Variants in GALNT16 observed in about 807,000 individuals in gnomAD.
The protein encoded by GALNT16 is polypeptide N-acetylgalactosaminyltransferase 16.
Under a neutral mutation model 76.1 loss-of-function variants are expected in GALNT16, and 40 were observed. The observed-to-expected ratio is 0.53, with a 90% CI of 0.41 to 0.68. The LOEUF is 0.68. GALNT16 is among the 30% of genes least tolerant of loss of function. The probability of loss-of-function intolerance (pLI) is 0.00; values close to 1 mark genes in which losing one functional copy is unlikely to be tolerated. For missense variants in GALNT16, 621 were observed against 731.9 expected (o/e 0.85, Z 1.75); for synonymous variants, 276 against 285.2 (o/e 0.97, Z 0.32).
intron 1 of GALNT16, among the ~76,000 whole-genome samples, chr14:69,310,889 G>A (rs867192378): frequency 6.6e-5 from 10 of 152,176 alleles, no homozygotes; most frequent in South Asian, 2.1e-4. Context: ...CACTCCAGCC[G>A]GGGTGACAGA....
intron 9 of GALNT16, among the ~76,000 whole-genome samples, chr14:69,337,660 A>G (rs764408948): frequency 1.1e-4 from 16 of 152,336 alleles, no homozygotes; most frequent in Non-Finnish European, 2.1e-4. Flanking sequence ...GCCCATTGAT[A>G]TAGCCATCCT....
chr14:69,271,507 G>C (rs1244878254), intron 1 of GALNT16, among the ~76,000 whole-genome samples: 2 of 152,238 alleles, frequency 1.3e-5, no homozygotes, highest in African/African-American at 4.8e-5. Flanking sequence ...CTGATGGGAG[G>C]CTGGCATCTG....
intron 1 of GALNT16, among the ~76,000 whole-genome samples, chr14:69,293,685 T>C (rs1443306334): frequency 6.6e-6 from 1 of 152,150 alleles, no homozygotes; most frequent in Non-Finnish European, 1.5e-5. Flanking sequence ...CGTGCCCAGT[T>C]TTCTTATTTG....
At chr14:69,340,240 C>A (rs1446790548) in intron 11 of GALNT16, among the ~76,000 whole-genome samples, 1 of 152,116 alleles carries the variant, frequency 6.6e-6, no homozygotes, top group Non-Finnish European at 1.5e-5. Context: ...ACAGTTGCCC[C>A]TCTGCATCTG....
At position 69,333,213 on chromosome 14, in the gene GALNT16, G is replaced by A. The variant is rs959988355; in HGVS notation, c.863+44G>A. ...TCTGGGGGACCCCTTCCTTCCCTGGGTCAGGGGCCTGGGAGGCTCTTGGGA... is the reference window on the plus strand; with the variant it reads ...TCTGGGGGACCCCTTCCTTCCCTGGATCAGGGGCCTGGGAGGCTCTTGGGA... On this transcript the variant is annotated intron_variant, in intron 8 of 14. Transcript: ENST00000448469. The surrounding 1 kb of genome is among the most constrained non-coding windows in gnomAD (Gnocchi z 4.2). 2.2e-6 allele frequency: 3 copies of A among 1,349,626 alleles called. No individual in the cohort carries two copies. Among genetic ancestry groups the A allele is most frequent in the African/African-American group, 1.4e-5 (1 of 69,180 alleles). 83.6% of individuals were successfully genotyped at this position (1,349,626 alleles called of 1,614,324 possible).
chr14:69,326,516 C>T (rs2045287275), intron 5 of GALNT16, among the ~76,000 whole-genome samples: 1 of 152,166 alleles, frequency 6.6e-6, no homozygotes, highest in Non-Finnish European at 1.5e-5. Flanking sequence ...CCACTGCAGC[C>T]ACAGGCTGGC....
At chr14:69,328,899 C>T (rs2140175463) in intron 6 of GALNT16, among the ~76,000 whole-genome samples, 2 of 152,134 alleles carry the variant, frequency 1.3e-5, no homozygotes, top group Admixed American at 1.3e-4. Context: ...GCTGGGAAGC[C>T]CTTGCAAGAG....
At chr14:69,357,335 T>C (rs1242002583), downstream of GALNT16, 1 of 152,258 alleles carries the variant, frequency 6.6e-6, no homozygotes, top group Non-Finnish European at 1.5e-5. Flanking sequence ...TAAGGTCTGG[T>C]GAAGTCCACT....
chr14:69,280,853 G>T (rs769118845), intron 1 of GALNT16, among the ~76,000 whole-genome samples: 12 of 151,996 alleles, frequency 7.9e-5, no homozygotes, highest in Non-Finnish European at 1.8e-4. Flanking sequence ...CCCTGAGAGG[G>T]CCTGGCTCCA....
intron 1 of GALNT16, among the ~76,000 whole-genome samples, chr14:69,277,224 C>A (rs951923848): frequency 2.0e-5 from 3 of 152,192 alleles, no homozygotes; most frequent in African/African-American, 7.2e-5. Flanking sequence ...TATATTTTCT[C>A]CTTTTTTTAT....
chr14:69,308,900 C>G (rs2044976623), intron 1 of GALNT16, among the ~76,000 whole-genome samples: 1 of 152,228 alleles, frequency 6.6e-6, no homozygotes, highest in African/African-American at 2.4e-5. Flanking sequence ...TCTATTTCTT[C>G]AAACTGTCAA....
chr14:69,310,960 A>G (rs1421353411), intron 1 of GALNT16, among the ~76,000 whole-genome samples: 5 of 152,200 alleles, frequency 3.3e-5, no homozygotes, highest in African/African-American at 1.2e-4. Context: ...CCCTCTTTCC[A>G]AAATTTATGG....
intron 9 of GALNT16, among the ~76,000 whole-genome samples, chr14:69,336,915 C>G (rs543271850): frequency 1.3e-5 from 2 of 152,014 alleles, no homozygotes; most frequent in East Asian, 1.9e-4. Flanking sequence ...TTAGTAGAGA[C>G]GGGGTTTCAC....
intron 9 of GALNT16, among the ~76,000 whole-genome samples, chr14:69,336,567 C>G (rs1211927423): frequency 6.6e-6 from 1 of 152,182 alleles, no homozygotes; most frequent in Non-Finnish European, 1.5e-5. Flanking sequence ...ATAGTGACAA[C>G]TCCCCTCATC....
chr14:69,379,761 TC>T, the GALNT16 span, among the ~76,000 whole-genome samples: 4 of 152,148 alleles, frequency 2.6e-5, no homozygotes, highest in Non-Finnish European at 5.9e-5. Context: ...GTAACTAGTA[TC>T]CAACTGAAGG....
Position 69,268,256 on chromosome 14 carries a change from C to A in GALNT16, c.177+7789C>A, listed in dbSNP as rs542769571. Among the ~76,000 whole-genome samples, 61 of 152,292 alleles carry A rather than the reference C, an allele frequency of 4.0e-4. 3 individuals carry two copies. The South Asian group carries it at 0.012, about 29-fold the overall frequency. On this transcript the variant is annotated intron_variant, in intron 1 of 14. Coordinates refer to ENST00000448469, the MANE Select transcript of GALNT16 (RefSeq NM_001168368.2). ...GCAGAGCATAAATAGCCACAACACCCATGGACTTTACTCAGAAGACAGGCA... is the reference window on the plus strand; with the variant it reads ...GCAGAGCATAAATAGCCACAACACCAATGGACTTTACTCAGAAGACAGGCA...
At chr14:69,360,350 T>C (rs1370591675), downstream of GALNT16, among the ~76,000 whole-genome samples, 1 of 142,000 alleles carries the variant, frequency 7.0e-6, no homozygotes, top group African/African-American at 2.6e-5. Flanking sequence ...CGAGACCCTA[T>C]CTCAAAAAGA....
At chr14:69,350,545 A>C (rs569251597) in intron 14 of GALNT16, 2 of 152,428 alleles carry the variant, frequency 1.3e-5, no homozygotes, top group African/African-American at 4.8e-5. Context: ...TGCGGGGGCC[A>C]TGTGGGCCCA....
chr14:69,379,594 G>A, the GALNT16 span, among the ~76,000 whole-genome samples: 3 of 152,174 alleles, frequency 2.0e-5, no homozygotes, highest in Non-Finnish European at 4.4e-5. Context: ...TCATGTACTT[G>A]CTGATTGAAA....
Sources: gnomAD v4.1 joint callset for allele counts (sites outside exome capture counted in the v4.1 genomes callset) on GRCh38, gnomAD v4.1.1 for gene constraint, Gnocchi (gnomAD v3.1) non-coding constraint, MANE v1.5 for transcripts, NCBI Gene and HGNC (gene_info 2026-07-23, HGNC 2026-07-21) for gene names.